Variants in DNMT3A observed in about 807,000 individuals in gnomAD.
The protein encoded by DNMT3A is DNA methyltransferase 3 alpha, also known as DNA (cytosine-5)-methyltransferase 3A.
A neutral mutation model predicts 117.6 loss-of-function variants in DNMT3A; 267 were observed. That is an observed-to-expected ratio of 2.27 (90% CI 2.05 to 2.51). The LOEUF is 2.51. DNMT3A is among the 30% of genes most tolerant of loss of function. DNMT3A has a pLI of 0.00. For missense variants in DNMT3A, 1,029 were observed against 1,260.2 expected (o/e 0.82, Z 2.78); for synonymous variants, 432 against 474.8 (o/e 0.91, Z 1.17).
rs560700489 is a variant in DNMT3A at position 25,327,745 on chromosome 2, C to G, written c.-177-13584G>C. On this transcript the variant is annotated intron_variant, in intron 1 of 22. Transcript: ENST00000321117. The surrounding 1 kb of genome is among the most constrained non-coding windows in gnomAD (Gnocchi z 4.1). ...ATTTATTTTCATCCCAACTGGATGA[C>G]TTGCAGTCCCTAAAATCCTACTCTT... 1.3e-5 allele frequency among the ~76,000 whole-genome samples: 2 copies of G among 152,336 alleles called. No individual in the cohort carries two copies. The highest frequency in any genetic ancestry group is 2.9e-5 in the Non-Finnish European group (2 of 68,036).
At position 25,339,330 on chromosome 2, in the gene DNMT3A, C is replaced by G. The variant is rs777946676; in HGVS notation, c.-178+2496G>C. ...TGCTGGCGTCCTTTCCTAGGCTTCT[C>G]CAGGAAGGACTCAGAGGGCAGCCCT... On this transcript the variant is annotated intron_variant, in intron 1 of 22. Coordinates refer to ENST00000321117, the MANE Select transcript of DNMT3A (RefSeq NM_022552.5). The surrounding 1 kb of genome is among the most constrained non-coding windows in gnomAD (Gnocchi z 4.9). Among the ~76,000 whole-genome samples, 1 of 152,180 alleles carries G rather than the reference C, an allele frequency of 6.6e-6. No homozygotes were observed. Among genetic ancestry groups the G allele is most frequent in the Non-Finnish European group, 1.5e-5 (1 of 68,026 alleles).
chr2:25,336,685 C>T (rs900323853), intron 1 of DNMT3A, among the ~76,000 whole-genome samples: 4 of 152,018 alleles, frequency 2.6e-5, no homozygotes, highest in Non-Finnish European at 4.4e-5. Flanking sequence ...CAGTTCAGAG[C>T]GATCCTCCGT....
At chr2:25,243,687 G>A (rs542074381) in intron 16 of DNMT3A, among the ~76,000 whole-genome samples, 1 of 152,356 alleles carries the variant, frequency 6.6e-6, no homozygotes, top group East Asian at 1.9e-4. Flanking sequence ...CAGGCAGGCT[G>A]CTTTACCACC....
Position 25,234,307 on chromosome 2 carries a change from G to A in DNMT3A, c.2711C>T (p.Pro904Leu), listed in dbSNP as rs149095705. 61 of 1,613,504 alleles carry A rather than the reference G, an allele frequency of 3.8e-5. No homozygotes were observed. The highest frequency in any genetic ancestry group is 1.7e-4 in the Middle Eastern group (1 of 6,054). The change falls in exon 23 of 23, where the codon CCG (proline) becomes CTG (leucine). Residue 904 changes from proline (P) to leucine (L), a missense_variant. By Grantham distance (98) the Pro-to-Leu change is moderately conservative. Transcript: ENST00000321117. The surrounding 1 kb of genome is among the most constrained non-coding windows in gnomAD (Gnocchi z 4.5). The part of the protein sequence containing the change: ...SVPVIRHLFA[P>L]LKEYFACV ...CACACACGCAAAATACTCCTTCAGC[G>A]GAGCGAAGAGGTGGCGGATGACTGG...
At chr2:25,263,056 T>A (rs1411322739) in intron 6 of DNMT3A, among the ~76,000 whole-genome samples, 1 of 152,056 alleles carries the variant, frequency 6.6e-6, no homozygotes, top group Non-Finnish European at 1.5e-5. Context: ...GACCTCAGCC[T>A]CCTGAGTAGC....
At chr2:25,300,939 C>T (rs1302543605) in intron 2 of DNMT3A, among the ~76,000 whole-genome samples, 4 of 150,418 alleles carry the variant, frequency 2.7e-5, no homozygotes, top group African/African-American at 9.8e-5. Context: ...CACAGATACA[C>T]AATTACATTT....
At chr2:25,269,192 C>A (rs775056244) in intron 6 of DNMT3A, among the ~76,000 whole-genome samples, 2 of 152,228 alleles carry the variant, frequency 1.3e-5, no homozygotes, top group Non-Finnish European at 2.9e-5. Flanking sequence ...TGTGGTGGTG[C>A]GTGCCTGTAA....
At chr2:25,270,140 C>CACA (rs1475796844) in intron 6 of DNMT3A, among the ~76,000 whole-genome samples, 2 of 152,174 alleles carry the variant, frequency 1.3e-5, no homozygotes, top group Non-Finnish European at 2.9e-5. Context: ...TGTGCACCAC[C>CACA]ACAACAAACT....
At position 25,229,838 on chromosome 2, in the gene DNMT3A, A is replaced by G. The variant is rs1672801560; in HGVS notation, c.*4441T>C. The G allele has an allele frequency of 6.6e-6, 1 of 152,222 alleles. No individual in the cohort carries two copies. Among genetic ancestry groups the G allele is most frequent in the Non-Finnish European group, 1.5e-5 (1 of 68,034 alleles). The allele number at this position is 152,222 out of a possible 1,614,324, so 9.4% of individuals were successfully genotyped here. Reference sequence around the variant, plus strand: ...TGAATGACTGCAGTTTTCCTATAAGAACATCTCCCAGATGGCTCTGCTGAA... The same window carrying G: ...TGAATGACTGCAGTTTTCCTATAAGGACATCTCCCAGATGGCTCTGCTGAA... On this transcript the variant is annotated 3_prime_UTR_variant, in exon 23 of 23. Coordinates refer to ENST00000321117, the MANE Select transcript of DNMT3A (RefSeq NM_022552.5).
chr2:25,297,619 T>C (rs1457762064), intron 3 of DNMT3A, among the ~76,000 whole-genome samples: 1 of 151,706 alleles, frequency 6.6e-6, no homozygotes, highest in African/African-American at 2.4e-5. Flanking sequence ...CAAGCGATTC[T>C]CTTGCCTCAG....
At chr2:25,300,716 T>TAATATATAC (rs1299208634) in intron 2 of DNMT3A, among the ~76,000 whole-genome samples, 2 of 3,370 alleles carry the variant, frequency 5.9e-4, no homozygotes, top group African/African-American at 1.7e-3. Context: ...TAATATAATA[T>TAATATATAC]ATATATATAT....
intron 3 of DNMT3A, among the ~76,000 whole-genome samples, chr2:25,295,849 C>T (rs145941258): frequency 3.9e-5 from 6 of 152,354 alleles, no homozygotes; most frequent in Non-Finnish European, 8.8e-5. Flanking sequence ...TGCTGCATAA[C>T]CATGAGCCTT....
chr2:25,247,880 G>A lies in DNMT3A; in HGVS notation c.856-131C>T, dbSNP rs1356504283. ...CAGGAGGGAGCTCCATCTGAATGAGGCAAGACAGAGCAAAATCGGGGAGAC... is the reference window on the plus strand; with the variant it reads ...CAGGAGGGAGCTCCATCTGAATGAGACAAGACAGAGCAAAATCGGGGAGAC... On this transcript the variant is annotated intron_variant, in intron 7 of 22. Transcript: ENST00000321117. This position sits in a 1 kb window ranked among gnomAD's most constrained non-coding sequence, Gnocchi z 5.6. 6.6e-7 allele frequency: 1 copy of A among 1,518,232 alleles called. No individual in the cohort carries two copies. The highest frequency in any genetic ancestry group is 8.8e-7 in the Non-Finnish European group (1 of 1,130,508). 94.0% of individuals were successfully genotyped at this position (1,518,232 alleles called of 1,614,324 possible).
At position 25,314,619 on chromosome 2, in the gene DNMT3A, C is replaced by T. The variant is rs1041805607; in HGVS notation, c.-177-458G>A. ...TCCCGCCACGTGGAGGAAGTGAGTGCAGTCACAGGATGTAGTGAAATGAAT... is the reference window on the plus strand; with the variant it reads ...TCCCGCCACGTGGAGGAAGTGAGTGTAGTCACAGGATGTAGTGAAATGAAT... On this transcript the variant is annotated intron_variant, in intron 1 of 22. Transcript: ENST00000321117. 7.1e-6 allele frequency: 7 copies of T among 985,198 alleles called. No individual in the cohort carries two copies. In the Admixed American group the frequency reaches 3.7e-4, roughly 52 times the overall value. The allele number at this position is 985,198 out of a possible 1,614,324, so 61.0% of individuals were successfully genotyped here. A position where few individuals can be genotyped will look rare whatever the true frequency, so the allele number is the denominator to read the frequency against.
Position 25,252,197 on chromosome 2 carries a change from TA to T in DNMT3A, c.640-3946del. 6.4e-7 allele frequency: 1 copy of T among 1,562,828 alleles called. No homozygotes were observed. Among genetic ancestry groups the T allele is most frequent in the Non-Finnish European group, 8.7e-7 (1 of 1,155,978 alleles). On this transcript the variant is annotated intron_variant, in intron 6 of 22. Coordinates refer to ENST00000321117, the MANE Select transcript of DNMT3A (RefSeq NM_022552.5). This position sits in a 1 kb window ranked among gnomAD's most constrained non-coding sequence, Gnocchi z 5.5. ...GGGGCTCCGTCCAGGAACCTACCCA[TA>T]AGGCCAGGTGCAGCCCCTCTGCAGT...
At chr2:25,283,003 C>T (rs2149380044) in intron 3 of DNMT3A, among the ~76,000 whole-genome samples, 1 of 152,234 alleles carries the variant, frequency 6.6e-6, no homozygotes, top group South Asian at 2.1e-4. Context: ...ATCGGCTCCC[C>T]CATCCCACCG....
chr2:25,284,646 A>G (rs866614321), intron 3 of DNMT3A, among the ~76,000 whole-genome samples: 1,125 of 65,808 alleles, frequency 0.017, no homozygotes, highest in Middle Eastern at 0.029. Context: ...GACTCCATCT[A>G]AAAAAAAAAA....
intron 3 of DNMT3A, among the ~76,000 whole-genome samples, chr2:25,289,798 T>C (rs1221761575): frequency 1.3e-5 from 2 of 152,204 alleles, no homozygotes; most frequent in African/African-American, 4.8e-5. Flanking sequence ...AGCCCTCTGC[T>C]GTGGCCTGCC....
intron 1 of DNMT3A, among the ~76,000 whole-genome samples, chr2:25,319,755 T>C (rs1335852707): frequency 6.6e-6 from 1 of 151,982 alleles, no homozygotes; most frequent in Non-Finnish European, 1.5e-5. Context: ...AGGAACTGAA[T>C]AGATTTTTTC....
Sources: allele counts gnomAD v4.1 joint callset (sites outside exome capture counted in the v4.1 genomes callset), GRCh38; gene constraint gnomAD v4.1.1; non-coding constraint Gnocchi (gnomAD v3.1); transcripts MANE v1.5; gene names NCBI Gene and HGNC (gene_info 2026-07-23, HGNC 2026-07-21).